Variants in WASF1 observed in about 807,000 individuals in gnomAD.
The protein encoded by WASF1 is WASP family member 1.
A neutral mutation model predicts 50.5 loss-of-function variants in WASF1; 7 were observed. The ratio of observed to expected loss-of-function variants is 0.14; its 90% CI spans 0.08 to 0.26. The LOEUF is 0.26. Ranked by LOEUF, WASF1 falls within the 10% of genes least tolerant of loss-of-function variation. The pLI, the probability that WASF1 is intolerant of heterozygous loss-of-function variation, is 1.00. For missense variants in WASF1, 470 were observed against 694.7 expected (o/e 0.68, Z 3.64); for synonymous variants, 205 against 244.0 (o/e 0.84, Z 1.49).
intron 3 of WASF1, among the ~76,000 whole-genome samples, chr6:110,134,243 G>A (rs1774836858): frequency 6.6e-6 from 1 of 151,972 alleles, no homozygotes; most frequent in African/African-American, 2.4e-5. Context: ...TATAAGGTGA[G>A]AGATGAGGAT....
At position 110,135,952 on chromosome 6, in the gene WASF1, CAA is replaced by C. The variant is rs948768049; in HGVS notation, c.-28-8325_-28-8324del. Among the ~76,000 whole-genome samples, 3 of 136,602 alleles carry C rather than the reference CAA, an allele frequency of 2.2e-5. No individual in the cohort carries two copies. The Admixed American group carries it at 2.4e-4, about 11-fold the overall frequency. The allele number at this position is 136,602 out of a possible 152,430, so 89.6% of individuals were successfully genotyped here. A position where few individuals can be genotyped will look rare whatever the true frequency, so the allele number is the denominator to read the frequency against. On this transcript the variant is annotated intron_variant, in intron 3 of 10. Transcript: ENST00000392589. ...AGGCTAGAGTGCAGTGGCGCAATCT[CAA>C]CTCACTGCAAGCTCCGCCTCCCGGG...
intron 3 of WASF1, among the ~76,000 whole-genome samples, chr6:110,148,398 G>A (rs1242327702): frequency 2.0e-5 from 3 of 151,964 alleles, no homozygotes; most frequent in African/African-American, 7.3e-5. Context: ...AGTAAAAGTA[G>A]GGGACACTAT....
intron 4 of WASF1, among the ~76,000 whole-genome samples, chr6:110,115,493 A>G (rs550520648): frequency 6.6e-6 from 1 of 152,224 alleles, no homozygotes; most frequent in Non-Finnish European, 1.5e-5. Flanking sequence ...CTTGCCAGTA[A>G]GGGAATGTCT....
chr6:110,112,906 A>AAC (rs1302794363), intron 5 of WASF1, among the ~76,000 whole-genome samples: 7 of 129,092 alleles, frequency 5.4e-5, no homozygotes, highest in African/African-American at 2.4e-4. Flanking sequence ...AAAAAAAAAA[A>AAC]AAACAAAAAA....
In WASF1 at chr6:110,175,036, C is replaced by T. The variant is rs540562500; in HGVS notation, c.-127+3562G>A. The stretch of plus-strand genomic sequence containing the variant: ...GAGTTCACAGATTCACTTTCTCAAT[C>T]TGCCTTCAGCTCCATCACATCCATA... On this transcript the variant is annotated intron_variant, in intron 2 of 10. Coordinates refer to ENST00000392589, the MANE Select transcript of WASF1 (RefSeq NM_003931.3). Among the ~76,000 whole-genome samples, 3 of 152,276 alleles carry T rather than the reference C, an allele frequency of 2.0e-5. No individual in the cohort carries two copies. The South Asian group carries it at 6.2e-4, about 32-fold the overall frequency.
Position 110,101,686 on chromosome 6 carries a change from G to A in WASF1, c.1424C>T (p.Pro475Leu). The stretch of plus-strand genomic sequence containing the variant: ...CTCAGAAGCAGGTATAACTTGTGAT[G>A]GAGGAGATGGAGGCATTAATGGAAC... ...PHVPLMPPSP[P>L]SQVIPASEPK... Residue 475 changes from proline (P) to leucine (L), a missense_variant, in exon 10 of 11, where the codon CCA becomes CTA. Coordinates refer to ENST00000392589, the MANE Select transcript of WASF1 (RefSeq NM_003931.3). 2 of 1,614,164 alleles carry A rather than the reference G, an allele frequency of 1.2e-6. No homozygotes were observed. The highest frequency in any genetic ancestry group is 1.7e-4 in the Middle Eastern group (1 of 6,060).
chr6:110,161,985 A>G (rs1001940831), intron 2 of WASF1, among the ~76,000 whole-genome samples: 3 of 151,638 alleles, frequency 2.0e-5, no homozygotes, highest in African/African-American at 7.2e-5. Context: ...AAATAAATCT[A>G]AAGTTTATTA....
At chr6:110,164,313 T>C (rs755360398) in intron 2 of WASF1, among the ~76,000 whole-genome samples, 10 of 151,664 alleles carry the variant, frequency 6.6e-5, no homozygotes, top group Non-Finnish European at 1.5e-4. Flanking sequence ...AATAAAAGAC[T>C]GTTATTCAGA....
chr6:110,154,230 T>C (rs189130783), intron 3 of WASF1, among the ~76,000 whole-genome samples: 3 of 152,256 alleles, frequency 2.0e-5, no homozygotes, highest in African/African-American at 4.8e-5. Flanking sequence ...GTGGTCTATA[T>C]ACCTAATACA....
At chr6:110,124,262 CTCTCTCTCTCTCTATATATATATATATA>C (rs1774304830) in intron 4 of WASF1, among the ~76,000 whole-genome samples, 3 of 61,554 alleles carry the variant, frequency 4.9e-5, no homozygotes, top group African/African-American at 2.5e-4. Context: ...CTCTCTCTCT[CTCTCTCTCTCTCTATATATATATATATA>C]TATATATATA....
chr6:110,158,795 G>T (rs983672972), intron 3 of WASF1, among the ~76,000 whole-genome samples: 4 of 151,912 alleles, frequency 2.6e-5, no homozygotes, highest in African/African-American at 4.8e-5. Flanking sequence ...ATTTAGAATG[G>T]ATGTCTACTT....
At chr6:110,108,741 G>A in intron 5 of WASF1, 60 bp from the exon 6 acceptor site, 1 of 1,490,226 alleles carries the variant, frequency 6.7e-7, no homozygotes, top group Non-Finnish European at 9.1e-7. Flanking sequence ...TAACATAAGG[G>A]CAAATTCACA....
Position 110,103,572 on chromosome 6 carries a change from T to C in WASF1, c.714-15A>G, listed in dbSNP as rs891138392. The stretch of plus-strand genomic sequence containing the variant: ...ATGTCTGAGGTCTAAAAGAAATATA[T>C]AGTATCAGTGAATTATTCTTGAATT... On this transcript the variant is annotated splice_polypyrimidine_tract_variant and intron_variant, in intron 8 of 10. Coordinates refer to ENST00000392589, the MANE Select transcript of WASF1 (RefSeq NM_003931.3). 1 of 1,583,412 alleles carries C rather than the reference T, an allele frequency of 6.3e-7. No individual in the cohort carries two copies. The highest frequency in any genetic ancestry group is 8.6e-7 in the Non-Finnish European group (1 of 1,160,186).
At chr6:110,132,992 G>A (rs1003994934) in intron 3 of WASF1, among the ~76,000 whole-genome samples, 1 of 128,760 alleles carries the variant, frequency 7.8e-6, no homozygotes, top group East Asian at 2.6e-4. Flanking sequence ...ACACACCATG[G>A]AATACTACAC....
At chr6:110,108,132 C>T (rs1166425353) in intron 6 of WASF1, among the ~76,000 whole-genome samples, 9 of 86,132 alleles carry the variant, frequency 1.0e-4, no homozygotes, top group Admixed American at 1.7e-4. Flanking sequence ...AGTGAGACTC[C>T]GCCTCAAAAA....
chr6:110,101,228 C>T (rs901936763), intron 10 of WASF1, among the ~76,000 whole-genome samples: 1 of 152,068 alleles, frequency 6.6e-6, no homozygotes, highest in African/African-American at 2.4e-5. Context: ...CCAAAATGAA[C>T]AGCCTTAACA....
chr6:110,132,237 C>G (rs1294777009), intron 3 of WASF1, among the ~76,000 whole-genome samples: 1 of 151,790 alleles, frequency 6.6e-6, no homozygotes, highest in Non-Finnish European at 1.5e-5. Flanking sequence ...AATCTCTAAC[C>G]TATCTGCAAT....
At chr6:110,162,768 G>A (rs528340333) in intron 2 of WASF1, among the ~76,000 whole-genome samples, 1 of 151,462 alleles carries the variant, frequency 6.6e-6, no homozygotes, top group Non-Finnish European at 1.5e-5. Flanking sequence ...TCCTCAACTT[G>A]AAAAGAAGAT....
At chr6:110,108,763 T>C (rs1425528063) in intron 5 of WASF1, 82 bp from the exon 6 acceptor site, 38 of 1,364,794 alleles carry the variant, frequency 2.8e-5, no homozygotes, top group Non-Finnish European at 3.6e-5. Context: ...ACTTTATTTG[T>C]CTAAAAGTCA....
Sources: allele counts gnomAD v4.1 joint callset (sites outside exome capture counted in the v4.1 genomes callset), GRCh38; gene constraint gnomAD v4.1.1; transcripts MANE v1.5; gene names NCBI Gene and HGNC (gene_info 2026-07-23, HGNC 2026-07-21).